The following SYNE1 variants were observed in gnomAD, a reference collection of about 807,000 sequenced individuals.
SYNE1 encodes nesprin-1.
In SYNE1, 616 loss-of-function variants were observed where a neutral mutation model predicts 1,111.0. The ratio of observed to expected loss-of-function variants is 0.55; its 90% confidence interval spans 0.52 to 0.59. The LOEUF is 0.59. SYNE1 is among the 20% of genes least tolerant of loss of function. The probability of loss-of-function intolerance (pLI) is 0.00; values close to 1 mark genes in which losing one functional copy is unlikely to be tolerated. For missense variants in SYNE1, 10,006 were observed against 10,417.0 expected, an observed-to-expected ratio of 0.96 and a Z score of 1.72; for synonymous variants, 3,855 against 3,825.8, an observed-to-expected ratio of 1.01 and a Z score of -0.28.
At chr6:152,537,796 G>C (rs1429022166) in intron 4 of SYNE1, among the ~76,000 whole-genome samples, 2 of 152,080 alleles carry the variant, frequency 1.3e-5, no homozygotes, top group Non-Finnish European at 2.9e-5. Flanking sequence ...AGCATCTTCT[G>C]AACAGCTCCC....
At chr6:152,326,220 T>C (rs2096064007) in intron 79 of SYNE1, 76 bp downstream of exon 79, 2 of 1,611,428 alleles carry the variant, frequency 1.2e-6, no homozygotes, top group South Asian at 2.2e-5. Context: ...TGCTAATGTA[T>C]ATCATTCGTG....
intron 87 of SYNE1, 150 bp from the exon 88 acceptor site, chr6:152,311,023 A>G (rs993295427): frequency 9.4e-6 from 7 of 748,094 alleles, no homozygotes; most frequent in Non-Finnish European, 1.6e-5. Context: ...TCTACTTGGT[A>G]GCCACTTACT....
intron 32 of SYNE1, 113 bp from the exon 33 acceptor site, chr6:152,436,214 A>G: frequency 2.8e-6 from 3 of 1,088,150 alleles, no homozygotes; most frequent in Non-Finnish European, 4.0e-6. Flanking sequence ...ACATAGAGTC[A>G]TACATGTATG....
In SYNE1 at chr6:152,387,077, C is replaced by T. The variant is rs774615973; in HGVS notation, c.8482G>A (p.Ala2828Thr). ...TTTCAATATAAAGCACTAACCTTGG[C>T]AACAGTCATTATATCATTAAACTGT... ...KTQFNDIMTV[A>T]KEKMRKVEEI... Residue 2828 changes from alanine (A) to threonine (T), a missense_variant, in exon 54 of 146, where the codon GCC becomes ACC. Ala to Thr is a moderately conservative substitution (Grantham distance 58). This residue lies in a region of SYNE1 where 4,955 missense variants were observed against 5,017.2 expected (regional missense o/e 0.99). Coordinates refer to ENST00000367255, the MANE Select transcript of SYNE1 (RefSeq NM_182961.4). The T allele has an allele frequency of 6.2e-7, 1 of 1,612,200 alleles. No individual in the cohort carries two copies. The highest frequency in any genetic ancestry group is 1.1e-5 in the South Asian group (1 of 91,028).
chr6:152,130,903 T>C, intron 144 of SYNE1, 125 bp from the exon 145 acceptor site: 1 of 910,408 alleles, frequency 1.1e-6, no homozygotes, highest in Non-Finnish European at 1.7e-6. Context: ...AAATGATCAG[T>C]ACCCATGAAT....
chr6:152,605,006 AAGAGAGAGAGAGAGAGAGAG>A (rs1166561188), intron 3 of SYNE1, among the ~76,000 whole-genome samples: 2 of 25,590 alleles, frequency 7.8e-5, no homozygotes, highest in African/African-American at 3.8e-4. Flanking sequence ...GAAAGAAAGA[AAGAGAGAGAGAGAGAGAGAG>A]AGAGAGAGAG....
At position 152,449,611 on chromosome 6, in the gene SYNE1, T is replaced by G; in HGVS notation, c.3426A>C (p.Thr1142=). The G allele has an allele frequency of 6.2e-7, 1 of 1,614,072 alleles. No homozygotes were observed. Among genetic ancestry groups the G allele is most frequent in the Non-Finnish European group, 8.5e-7 (1 of 1,179,948 alleles). The change falls in exon 28 of 146, where the codon ACA becomes ACC. Residue 1142 remains threonine, a synonymous_variant. Coordinates refer to ENST00000367255, the MANE Select transcript of SYNE1 (RefSeq NM_182961.4). ...RFSEFSSWIS[T]NETQLKGIKG... The stretch of plus-strand genomic sequence containing the variant: ...TGATCCCCTTTAATTGTGTCTCATT[T>G]GTAGATATCCAAGATGAGAACTCAG...
intron 3 of SYNE1, among the ~76,000 whole-genome samples, chr6:152,563,310 G>A (rs1595445707): frequency 6.6e-6 from 1 of 151,956 alleles, no homozygotes; most frequent in Admixed American, 6.6e-5. Flanking sequence ...CTCTATAAAA[G>A]CATACTATTC....
intron 72 of SYNE1, 107 bp downstream of exon 72, chr6:152,350,061 G>T (rs940060187): frequency 1.4e-6 from 2 of 1,379,838 alleles, no homozygotes; most frequent in Non-Finnish European, 2.1e-6. Flanking sequence ...ATAAACCAGA[G>T]ATGCACCTGT....
At chr6:152,207,332 G>A (rs1287615100) in intron 125 of SYNE1, among the ~76,000 whole-genome samples, 1 of 152,124 alleles carries the variant, frequency 6.6e-6, no homozygotes, top group Non-Finnish European at 1.5e-5. Context: ...AGAAACACAA[G>A]TCAAAAGCAC....
At chr6:152,331,911 A>T in intron 77 of SYNE1, 21 bp from the exon 78 acceptor site, 1 of 1,606,852 alleles carries the variant, frequency 6.2e-7, no homozygotes, top group African/African-American at 1.3e-5. Flanking sequence ...ATGGAAAGGT[A>T]TAAGAGCAAA....
rs772158689 is a variant in SYNE1 at position 152,325,306 on chromosome 6, G to T, written c.15439-4C>A. The T allele has an allele frequency of 3.1e-6, 5 of 1,613,982 alleles. No individual in the cohort carries two copies. In the South Asian group the frequency reaches 5.5e-5, roughly 18 times the overall value. ...AGTTAACCACTGACACTAAAGCCTA[G>T]GGTTGGGGGTGGAGGACGGAAGAGA... On this transcript the variant is annotated splice_polypyrimidine_tract_variant and splice_region_variant and intron_variant, in intron 80 of 145. Transcript: ENST00000367255.
intron 131 of SYNE1, among the ~76,000 whole-genome samples, chr6:152,157,251 A>C (rs1477609204): frequency 6.6e-6 from 1 of 152,266 alleles, no homozygotes; most frequent in Non-Finnish European, 1.5e-5. Flanking sequence ...CGGTCATAAA[A>C]AAATGAAATT....
intron 3 of SYNE1, among the ~76,000 whole-genome samples, chr6:152,589,311 T>A (rs1277756973): frequency 1.3e-5 from 2 of 152,208 alleles, no homozygotes; most frequent in Non-Finnish European, 1.5e-5. Flanking sequence ...GTTTTGATTA[T>A]CTGAGAAAGG....
Position 152,293,554 on chromosome 6 carries a change from T to C in SYNE1, c.18012+34A>G, listed in dbSNP as rs749367838. The stretch of plus-strand genomic sequence containing the variant: ...CCAGTCACAACAGTGCCTTATTCAA[T>C]CAAGTAGGAAACTGAAGTCATGGCT... On this transcript the variant is annotated intron_variant, in intron 95 of 145. Transcript: ENST00000367255. 2.5e-6 allele frequency: 4 copies of C among 1,612,958 alleles called. No individual in the cohort carries two copies. In the South Asian group the frequency reaches 3.3e-5, roughly 13 times the overall value.
chr6:152,560,636 G>C (rs997261614), intron 3 of SYNE1, among the ~76,000 whole-genome samples: 1 of 151,962 alleles, frequency 6.6e-6, no homozygotes, highest in Non-Finnish European at 1.5e-5. Flanking sequence ...TACAAGAAAA[G>C]AAAATTACAA....
chr6:152,193,799 T>C (rs9478297), intron 127 of SYNE1, among the ~76,000 whole-genome samples: 4,173 of 151,952 alleles, frequency 0.027, 91 homozygotes, highest in African/African-American at 0.055. Context: ...ATCATGAGGT[T>C]AGGAGATCGA....
In SYNE1 at chr6:152,209,698, C is replaced by T. The variant is rs185468093; in HGVS notation, c.22590-1492G>A. On this transcript the variant is annotated intron_variant, in intron 124 of 145. Transcript: ENST00000367255. ...CCAGAAGGTGGAGGTTGCAGTGAGCCGAGATAGCGCCACTTCACTCTAGCC... is the reference window on the plus strand; with the variant it reads ...CCAGAAGGTGGAGGTTGCAGTGAGCTGAGATAGCGCCACTTCACTCTAGCC... Among the ~76,000 whole-genome samples the T allele has an allele frequency of 8.7e-3, 1,308 of 150,960 alleles. 11 individuals carry two copies. Among genetic ancestry groups the T allele is most frequent in the Middle Eastern group, 0.027 (8 of 294 alleles).
chr6:152,390,013 G>A (rs1396101146), intron 53 of SYNE1, among the ~76,000 whole-genome samples: 4 of 152,140 alleles, frequency 2.6e-5, no homozygotes, highest in Non-Finnish European at 4.4e-5. Flanking sequence ...GAGATGTTTT[G>A]CTGAGCCCAT....
Sources: gnomAD v4.1 joint callset for allele counts (sites outside exome capture counted in the v4.1 genomes callset) on GRCh38, gnomAD v4.1.1 for gene constraint, gnomAD v4.1.1 regional missense constraint, MANE v1.5 for transcripts, NCBI Gene and HGNC (gene_info 2026-07-23, HGNC 2026-07-21) for gene names.